The following ATRNL1 variants were observed in gnomAD, a reference collection of about 807,000 sequenced individuals.
ATRNL1 encodes the protein attractin-like protein 1.
In ATRNL1, 95 loss-of-function variants were observed where a neutral mutation model predicts 182.7. The observed-to-expected ratio is 0.52, with a 90% CI of 0.44 to 0.62. The LOEUF (loss-of-function observed/expected upper bound fraction) is 0.62, where lower values mean the gene tolerates loss of function less well. Ranked by LOEUF, ATRNL1 falls within the 20% of genes least tolerant of loss-of-function variation. The pLI is 0.00. For synonymous variants in ATRNL1, 576 were observed against 568.3 expected, an observed-to-expected ratio of 1.01 and a Z score of -0.19; for missense variants, 1,471 against 1,679.5, an observed-to-expected ratio of 0.88 and a Z score of 2.17.
At chr10:115,135,074 A>G (rs1451067806) in intron 5 of ATRNL1, among the ~76,000 whole-genome samples, 1 of 152,078 alleles carries the variant, frequency 6.6e-6, no homozygotes, top group African/African-American at 2.4e-5. Context: ...CCCACAGCCA[A>G]TATCATACCG....
intron 26 of ATRNL1, among the ~76,000 whole-genome samples, chr10:115,580,739 TA>T (rs1230901542): frequency 6.6e-6 from 1 of 152,000 alleles, no homozygotes; most frequent in Non-Finnish European, 1.5e-5. Flanking sequence ...TTGTTACCCA[TA>T]AGTCCCATAA....
intron 26 of ATRNL1, among the ~76,000 whole-genome samples, chr10:115,621,979 G>A (rs187782484): frequency 1.3e-5 from 2 of 152,314 alleles, no homozygotes; most frequent in East Asian, 3.9e-4. Context: ...CCTGAGAGGA[G>A]ACTCACCAGA....
At chr10:115,562,078 T>C (rs1853792447) in intron 26 of ATRNL1, among the ~76,000 whole-genome samples, 1 of 152,208 alleles carries the variant, frequency 6.6e-6, no homozygotes, top group African/African-American at 2.4e-5. Context: ...CGTTAATGTT[T>C]ATAGCACCAT....
At chr10:115,221,407 C>T (rs1160102127) in intron 9 of ATRNL1, among the ~76,000 whole-genome samples, 1 of 152,140 alleles carries the variant, frequency 6.6e-6, no homozygotes, top group Admixed American at 6.5e-5. Context: ...ATAGATAGGG[C>T]ACTTTGTTGA....
At chr10:115,864,395 T>C (rs961295460) in intron 28 of ATRNL1, among the ~76,000 whole-genome samples, 4 of 152,116 alleles carry the variant, frequency 2.6e-5, no homozygotes, top group African/African-American at 9.7e-5. Flanking sequence ...ACAGTAGTAA[T>C]TGTTAAAGGT....
chr10:115,488,800 C>A (rs1849153798), intron 24 of ATRNL1, among the ~76,000 whole-genome samples: 1 of 152,026 alleles, frequency 6.6e-6, no homozygotes, highest in African/African-American at 2.4e-5. Context: ...TTCTCTAGTT[C>A]TTTTACTTGT....
intron 27 of ATRNL1, among the ~76,000 whole-genome samples, chr10:115,787,405 T>C (rs992814717): frequency 1.3e-5 from 2 of 152,176 alleles, no homozygotes; most frequent in African/African-American, 4.8e-5. Context: ...CCAGGAATAC[T>C]ATTCTTTACT....
At chr10:115,746,321 C>T (rs1555069166) in intron 27 of ATRNL1, among the ~76,000 whole-genome samples, 1 of 151,976 alleles carries the variant, frequency 6.6e-6, no homozygotes, top group Non-Finnish European at 1.5e-5. Flanking sequence ...TAGTATTAAT[C>T]CCTAAGGTTT....
chr10:115,492,689 GC>G (rs1186377978), intron 24 of ATRNL1, among the ~76,000 whole-genome samples: 1 of 135,064 alleles, frequency 7.4e-6, no homozygotes, highest in African/African-American at 2.9e-5. Flanking sequence ...TGTTGCCTAG[GC>G]TGGAGTGTAG....
At chr10:115,159,986 A>T in intron 5 of ATRNL1, 54 bp from the exon 6 acceptor site, 1 of 1,342,744 alleles carries the variant, frequency 7.4e-7, no homozygotes, top group South Asian at 1.6e-5. Context: ...TTGTATTTCT[A>T]TAATCTGAGG....
intron 5 of ATRNL1, among the ~76,000 whole-genome samples, chr10:115,155,510 G>C (rs1242121036): frequency 6.6e-6 from 1 of 152,098 alleles, no homozygotes; most frequent in Non-Finnish European, 1.5e-5. Flanking sequence ...GAAGCTTAGA[G>C]AAATTAGGTA....
intron 21 of ATRNL1, among the ~76,000 whole-genome samples, chr10:115,430,433 G>A (rs1554963729): frequency 6.6e-6 from 1 of 151,830 alleles, no homozygotes; most frequent in Admixed American, 6.6e-5. Context: ...TTTTTTTACA[G>A]AATTTATGAA....
chr10:115,600,730 T>TG (rs1192248242), intron 26 of ATRNL1, among the ~76,000 whole-genome samples: 2 of 152,068 alleles, frequency 1.3e-5, no homozygotes, highest in Non-Finnish European at 2.9e-5. Context: ...GTTTTAATTT[T>TG]GATGAATTTG....
intron 8 of ATRNL1, among the ~76,000 whole-genome samples, chr10:115,176,807 A>C (rs1264758): frequency 6.6e-6 from 1 of 151,912 alleles, no homozygotes; most frequent in East Asian, 1.9e-4. Context: ...CTCTTTTTTT[A>C]AAAAAATTTA....
At position 115,209,420 on chromosome 10, in the gene ATRNL1, T is replaced by TA. The variant is rs532252958; in HGVS notation, c.1349-6277_1349-6276insA. ...TAGTATCCATAAAGCATTTTTTATTTTGTTTTTTTTTTTTTCTGGTTTCTG... is the reference window on the plus strand; with the variant it reads ...TAGTATCCATAAAGCATTTTTTATTTATGTTTTTTTTTTTTTCTGGTTTCTG... On this transcript the variant is annotated intron_variant, in intron 8 of 28. Transcript: ENST00000355044. 7.3e-4 allele frequency among the ~76,000 whole-genome samples: 109 copies of TA among 149,684 alleles called. 2 individuals carry two copies. In the South Asian group the frequency reaches 0.023, roughly 31 times the overall value.
At chr10:115,746,718 A>G (rs531610435) in intron 27 of ATRNL1, among the ~76,000 whole-genome samples, 6 of 152,206 alleles carry the variant, frequency 3.9e-5, no homozygotes, top group African/African-American at 1.4e-4. Context: ...GGTTTTAATT[A>G]AGAATAAAAG....
intron 27 of ATRNL1, among the ~76,000 whole-genome samples, chr10:115,827,916 C>T (rs1041252281): frequency 2.0e-5 from 3 of 152,026 alleles, no homozygotes; most frequent in African/African-American, 7.2e-5. Flanking sequence ...TTGCTCAGCA[C>T]CCAAGACAAG....
chr10:115,121,827 T>TTA lies in ATRNL1; in HGVS notation c.491+16_491+17dup, dbSNP rs782703696. ...GCTGTACTTAGGTGAGTAATTATATTTAATCAGTTGCAGAAAAGTGACTGT... is the reference window on the plus strand; with the variant it reads ...GCTGTACTTAGGTGAGTAATTATATTTATAATCAGTTGCAGAAAAGTGACTGT... On this transcript the variant is annotated intron_variant, in intron 3 of 28. Transcript: ENST00000355044. The TTA allele has an allele frequency of 7.9e-7, 1 of 1,266,352 alleles. No individual in the cohort carries two copies. The highest frequency in any genetic ancestry group is 1.1e-6 in the Non-Finnish European group (1 of 897,768). 78.4% of individuals were successfully genotyped at this position (1,266,352 alleles called of 1,614,324 possible).
intron 25 of ATRNL1, among the ~76,000 whole-genome samples, chr10:115,527,355 A>G (rs557138859): frequency 9.5e-4 from 145 of 152,164 alleles, no homozygotes; most frequent in Non-Finnish European, 1.9e-3. Flanking sequence ...TCCTGAGCTC[A>G]AGTGATCCGC....
Sources: allele counts gnomAD v4.1 joint callset (sites outside exome capture counted in the v4.1 genomes callset), GRCh38; gene constraint gnomAD v4.1.1; transcripts MANE v1.5; gene names NCBI Gene and HGNC (gene_info 2026-07-23, HGNC 2026-07-21).